The following ZNF385D variants were observed in gnomAD, a reference collection of about 807,000 sequenced individuals.
ZNF385D encodes zinc finger protein 385D, also known as zinc finger protein 659.
In ZNF385D, 15 loss-of-function variants were observed where a neutral mutation model predicts 35.8. That is an observed-to-expected ratio of 0.42 (90% confidence interval 0.28 to 0.64). ZNF385D has a LOEUF of 0.64. Among genes scored for constraint, ZNF385D ranks in the 30% least tolerant of loss-of-function variants. The probability of loss-of-function intolerance (pLI) is 0.23; values close to 1 mark genes in which losing one functional copy is unlikely to be tolerated. For missense variants in ZNF385D, 474 were observed against 494.6 expected, an observed-to-expected ratio of 0.96 and a Z score of 0.39; for synonymous variants, 212 against 186.8, an observed-to-expected ratio of 1.13 and a Z score of -1.10.
intron 2 of ZNF385D, among the ~76,000 whole-genome samples, chr3:22,368,534 T>C (rs9821151): frequency 0.22 from 33,064 of 151,940 alleles, 3,988 homozygotes; most frequent in Non-Finnish European, 0.28. Context: ...ACAACAAACA[T>C]TTGTTTATCA....
chr3:22,073,018 C>G (rs1207403563), intron 3 of ZNF385D, among the ~76,000 whole-genome samples: 1 of 151,906 alleles, frequency 6.6e-6, no homozygotes, highest in Non-Finnish European at 1.5e-5. Flanking sequence ...TTCAGAAGTT[C>G]AGACTTCTAG....
At chr3:21,979,586 T>A (rs986376538) in intron 3 of ZNF385D, 1 of 152,220 alleles carries the variant, frequency 6.6e-6, no homozygotes, top group Non-Finnish European at 1.5e-5. Flanking sequence ...CTCACTTCAT[T>A]AAACATTTAC....
chr3:22,119,705 T>G (rs964242894), intron 3 of ZNF385D, among the ~76,000 whole-genome samples: 1 of 152,188 alleles, frequency 6.6e-6, no homozygotes, highest in Non-Finnish European at 1.5e-5. Flanking sequence ...TTGGAAGATA[T>G]GCTGTTTTAC....
At chr3:21,890,091 C>A (rs769103431) in intron 3 of ZNF385D, among the ~76,000 whole-genome samples, 1 of 152,092 alleles carries the variant, frequency 6.6e-6, no homozygotes, top group Non-Finnish European at 1.5e-5. Context: ...TTCAGCTGTA[C>A]TGTGGATTTG....
At chr3:21,995,755 A>T (rs1033981747) in intron 3 of ZNF385D, among the ~76,000 whole-genome samples, 8 of 151,806 alleles carry the variant, frequency 5.3e-5, no homozygotes, top group Admixed American at 5.3e-4. Flanking sequence ...CATTCTCCAG[A>T]TTGCCAGAAG....
intron 1 of ZNF385D, among the ~76,000 whole-genome samples, chr3:21,724,089 C>T (rs994478913): frequency 2.0e-5 from 3 of 152,218 alleles, no homozygotes; most frequent in South Asian, 2.1e-4. Context: ...CCTTTACAGA[C>T]AAGCAAAAGC....
chr3:22,310,951 TAA>T (rs762570485), intron 2 of ZNF385D, among the ~76,000 whole-genome samples: 26 of 152,064 alleles, frequency 1.7e-4, no homozygotes, highest in Non-Finnish European at 2.9e-4. Context: ...TTTGATGTTA[TAA>T]GTCATTAAAT....
chr3:21,762,070 G>C (rs535155669), intron 3 of ZNF385D, among the ~76,000 whole-genome samples: 4 of 151,544 alleles, frequency 2.6e-5, no homozygotes, highest in African/African-American at 4.8e-5. Flanking sequence ...GTAGAGACAG[G>C]GTTTCACCAT....
At chr3:22,240,720 A>G (rs963592700) in intron 2 of ZNF385D, among the ~76,000 whole-genome samples, 15 of 151,002 alleles carry the variant, frequency 9.9e-5, no homozygotes, top group Admixed American at 9.9e-4. Context: ...TTAGACAAAT[A>G]ACACGTCAAA....
intron 3 of ZNF385D, among the ~76,000 whole-genome samples, chr3:21,919,183 A>AT (rs1267754831): frequency 2.4e-4 from 37 of 152,298 alleles, no homozygotes; most frequent in Non-Finnish European, 2.8e-4. Flanking sequence ...GTCTTCATTC[A>AT]TCCATTCATT....
intron 1 of ZNF385D, among the ~76,000 whole-genome samples, chr3:21,709,940 C>T (rs567093855): frequency 4.9e-4 from 75 of 152,246 alleles, no homozygotes; most frequent in African/African-American, 1.7e-3. Flanking sequence ...CACACCCATA[C>T]GTGGAATTCT....
chr3:22,071,944 C>T (rs1436820698), intron 3 of ZNF385D, among the ~76,000 whole-genome samples: 1 of 152,032 alleles, frequency 6.6e-6, no homozygotes, highest in Non-Finnish European at 1.5e-5. Context: ...GGTCTGGTAA[C>T]TCATTCTATT....
chr3:22,171,695 T>G (rs1694440620), intron 2 of ZNF385D, among the ~76,000 whole-genome samples: 1 of 151,496 alleles, frequency 6.6e-6, no homozygotes, highest in African/African-American at 2.4e-5. Flanking sequence ...GCTAACACAG[T>G]GAAATCCCGT....
chr3:21,527,120 T>C (rs776992687), intron 3 of ZNF385D, among the ~76,000 whole-genome samples: 1 of 152,180 alleles, frequency 6.6e-6, no homozygotes, highest in Admixed American at 6.5e-5. Flanking sequence ...AGTTATCCAG[T>C]GTTAATTCTT....
intron 3 of ZNF385D, among the ~76,000 whole-genome samples, chr3:22,065,719 G>A (rs1245569109): frequency 6.6e-6 from 1 of 152,076 alleles, no homozygotes; most frequent in Non-Finnish European, 1.5e-5. Context: ...TATTCTCAAA[G>A]AACATAACAC....
At chr3:21,576,297 T>C (rs1044846170) in intron 2 of ZNF385D, among the ~76,000 whole-genome samples, 1 of 152,168 alleles carries the variant, frequency 6.6e-6, no homozygotes, top group African/African-American at 2.4e-5. Flanking sequence ...AGCAAAGGCA[T>C]TTAGATGACT....
chr3:22,230,173 A>G (rs562219085), intron 2 of ZNF385D, among the ~76,000 whole-genome samples: 1 of 152,328 alleles, frequency 6.6e-6, no homozygotes, highest in East Asian at 1.9e-4. Context: ...TGGCTTAAAG[A>G]AAAAGAAACT....
chr3:22,172,171 A>T (rs1326305332), intron 2 of ZNF385D, among the ~76,000 whole-genome samples: 2 of 152,222 alleles, frequency 1.3e-5, no homozygotes, highest in African/African-American at 4.8e-5. Context: ...AAGACACTGG[A>T]AAGATGTCTG....
intron 2 of ZNF385D, among the ~76,000 whole-genome samples, chr3:22,315,863 A>G (rs1374112266): frequency 6.6e-6 from 1 of 152,156 alleles, no homozygotes; most frequent in African/African-American, 2.4e-5. Flanking sequence ...TGCCTTTGTA[A>G]GACTAATGAA....
Sources: allele counts gnomAD v4.1 joint callset (sites outside exome capture counted in the v4.1 genomes callset), GRCh38; gene constraint gnomAD v4.1.1; transcripts MANE v1.5; gene names NCBI Gene and HGNC (gene_info 2026-07-23, HGNC 2026-07-21).